Variants in DLG2 observed in about 807,000 individuals in gnomAD.
The protein encoded by DLG2 is disks large homolog 2.
In DLG2, 45 loss-of-function variants were observed where a neutral mutation model predicts 132.5. That is an observed-to-expected ratio of 0.34 (90% CI 0.27 to 0.44). DLG2 has a LOEUF of 0.44. Among genes scored for constraint, DLG2 ranks in the 20% least tolerant of loss-of-function variants. The pLI is 1.00. For missense variants in DLG2, 1,045 were observed against 1,196.9 expected, an observed-to-expected ratio of 0.87 and a Z score of 1.87; for synonymous variants, 424 against 419.6, an observed-to-expected ratio of 1.01 and a Z score of -0.13.
chr11:85,168,779 T>C (rs1214584059), intron 4 of DLG2, among the ~76,000 whole-genome samples: 3 of 152,182 alleles, frequency 2.0e-5, no homozygotes, highest in Admixed American at 6.5e-5. Context: ...TATATAGTTG[T>C]TTATGGTAGC....
At position 84,842,163 on chromosome 11, in the gene DLG2, T is replaced by C. The variant is rs146228285; in HGVS notation, c.357+269498A>G. Among the ~76,000 whole-genome samples the C allele has an allele frequency of 1.5e-3, 230 of 152,104 alleles. 3 individuals are homozygous for C. Among genetic ancestry groups the C allele is most frequent in the African/African-American group, 5.3e-3 (220 of 41,536 alleles). On this transcript the variant is annotated intron_variant, in intron 6 of 27. Coordinates refer to ENST00000376104, the MANE Select transcript of DLG2 (RefSeq NM_001142699.3). Reference sequence around the variant, plus strand: ...AGAATCATGAGATCAAGAGGGACTATAGAGATGAGGAAATCTAACCTTCCA... The same window carrying C: ...AGAATCATGAGATCAAGAGGGACTACAGAGATGAGGAAATCTAACCTTCCA...
At chr11:85,112,122 G>A (rs1386904285) in intron 5 of DLG2, among the ~76,000 whole-genome samples, 1 of 152,016 alleles carries the variant, frequency 6.6e-6, no homozygotes, top group East Asian at 1.9e-4. Context: ...TAGAATGGCT[G>A]TTTATTTGTC....
intron 17 of DLG2, among the ~76,000 whole-genome samples, chr11:83,816,965 A>G (rs776594370): frequency 7.1e-4 from 83 of 116,462 alleles, no homozygotes; most frequent in Middle Eastern, 4.7e-3. Flanking sequence ...GTCCTGCGCA[A>G]TACAGGTGTA....
chr11:85,278,336 G>C (rs1344291756), intron 4 of DLG2, among the ~76,000 whole-genome samples: 1 of 152,180 alleles, frequency 6.6e-6, no homozygotes, highest in Non-Finnish European at 1.5e-5. Flanking sequence ...ATCATGGGTT[G>C]CTATAGAGAT....
At chr11:85,128,636 A>G (rs1353680630) in intron 5 of DLG2, among the ~76,000 whole-genome samples, 1 of 152,178 alleles carries the variant, frequency 6.6e-6, no homozygotes, top group Non-Finnish European at 1.5e-5. Flanking sequence ...CTATTGTCCT[A>G]TTGCCCAATC....
At chr11:83,800,075 CAA>C (rs2043938772) in intron 17 of DLG2, among the ~76,000 whole-genome samples, 1 of 152,084 alleles carries the variant, frequency 6.6e-6, no homozygotes, top group Admixed American at 6.6e-5. Context: ...CTGACGTACA[CAA>C]AGAGGATGAC....
intron 18 of DLG2, among the ~76,000 whole-genome samples, chr11:83,777,843 A>G (rs1430675224): frequency 6.6e-6 from 1 of 152,178 alleles, no homozygotes; most frequent in Non-Finnish European, 1.5e-5. Flanking sequence ...TTGTTATTTG[A>G]TGGCATGTTT....
In DLG2 at chr11:83,930,436, G is replaced by A. The variant is rs1394651274; in HGVS notation, c.1388C>T (p.Pro463Leu). ...AGGGGAATAGTGCCTGGGAGAAGCA[G>A]GCTTATCACATAGTTTGTTCACAGT... ...YSTVNKLCDK[P>L]ASPRHYSPVE... The change falls in exon 15 of 28, where the codon CCT (proline) becomes CTT (leucine). Residue 463 changes from proline to leucine, a missense_variant. Pro to Leu is a moderately conservative substitution (Grantham distance 98). Transcript: ENST00000376104. 1.9e-6 allele frequency: 3 copies of A among 1,614,054 alleles called. No homozygotes were observed. Among genetic ancestry groups the A allele is most frequent in the African/African-American group, 1.3e-5 (1 of 75,024 alleles).
At chr11:85,067,291 A>G (rs984997103) in intron 6 of DLG2, among the ~76,000 whole-genome samples, 2 of 151,780 alleles carry the variant, frequency 1.3e-5, no homozygotes, top group African/African-American at 4.8e-5. Flanking sequence ...TTTCCAAAAA[A>G]CCAGCTCCTG....
At chr11:83,920,234 T>A (rs996470957) in intron 15 of DLG2, among the ~76,000 whole-genome samples, 1 of 152,270 alleles carries the variant, frequency 6.6e-6, no homozygotes, top group Non-Finnish European at 1.5e-5. Flanking sequence ...AGTATTCAAT[T>A]TGGAACACAC....
At chr11:84,790,193 A>G (rs938778763) in intron 6 of DLG2, among the ~76,000 whole-genome samples, 1 of 152,164 alleles carries the variant, frequency 6.6e-6, no homozygotes, top group Non-Finnish European at 1.5e-5. Context: ...ACTAATTTAC[A>G]TTCCCACTAA....
intron 7 of DLG2, among the ~76,000 whole-genome samples, chr11:84,520,555 C>G (rs1473047656): frequency 1.3e-5 from 2 of 152,166 alleles, no homozygotes; most frequent in African/African-American, 4.8e-5. Flanking sequence ...ACTCCTTGAA[C>G]TAAATGTGTG....
chr11:83,482,019 G>A (rs116617895), intron 22 of DLG2, among the ~76,000 whole-genome samples: 1,856 of 152,020 alleles, frequency 0.012, 22 homozygotes, highest in African/African-American at 0.038. Flanking sequence ...CTCTCTGGTG[G>A]TGCTTGATGC....
At chr11:84,961,391 A>G (rs919130178) in intron 6 of DLG2, among the ~76,000 whole-genome samples, 2 of 152,016 alleles carry the variant, frequency 1.3e-5, no homozygotes, top group African/African-American at 2.4e-5. Flanking sequence ...AACCCAGCTC[A>G]ATGCCTGAGT....
At chr11:84,476,002 G>T (rs986930102) in intron 7 of DLG2, among the ~76,000 whole-genome samples, 7 of 152,190 alleles carry the variant, frequency 4.6e-5, no homozygotes, top group African/African-American at 1.7e-4. Context: ...CATCTGCAGT[G>T]TAACAACTGC....
intron 11 of DLG2, among the ~76,000 whole-genome samples, chr11:83,991,238 C>G (rs1423804058): frequency 6.6e-6 from 1 of 152,158 alleles, no homozygotes; most frequent in Non-Finnish European, 1.5e-5. Flanking sequence ...AGAAGTGATT[C>G]TGCTTAAAAT....
chr11:84,479,943 T>C (rs575702146), intron 7 of DLG2, among the ~76,000 whole-genome samples: 1 of 152,194 alleles, frequency 6.6e-6, no homozygotes, highest in Non-Finnish European at 1.5e-5. Context: ...CAAACATTAG[T>C]TTGCTGTTAA....
At chr11:84,135,021 C>T (rs1296890479) in intron 9 of DLG2, among the ~76,000 whole-genome samples, 1 of 151,976 alleles carries the variant, frequency 6.6e-6, no homozygotes, top group Non-Finnish European at 1.5e-5. Context: ...TGCTCTATTC[C>T]ATTTCATTTA....
intron 4 of DLG2, among the ~76,000 whole-genome samples, chr11:85,173,476 C>G (rs1286196935): frequency 1.3e-5 from 2 of 152,068 alleles, no homozygotes; most frequent in Non-Finnish European, 2.9e-5. Flanking sequence ...GAAGGAAGCA[C>G]TAAATATGGA....
Sources: allele counts gnomAD v4.1 joint callset (sites outside exome capture counted in the v4.1 genomes callset), GRCh38; gene constraint gnomAD v4.1.1; transcripts MANE v1.5; gene names NCBI Gene and HGNC (gene_info 2026-07-23, HGNC 2026-07-21).